The following ERBB4 variants were observed in gnomAD, a reference collection of about 807,000 sequenced individuals.
ERBB4 encodes erb-b2 receptor tyrosine kinase 4.
ERBB4 carries 42 observed loss-of-function variants against 158.0 expected under a neutral mutation model. That is an observed-to-expected ratio of 0.27 (90% CI 0.21 to 0.34). The LOEUF is 0.34. Among genes scored for constraint, ERBB4 ranks in the 10% least tolerant of loss-of-function variants. The probability of loss-of-function intolerance (pLI) is 1.00; values close to 1 mark genes in which losing one functional copy is unlikely to be tolerated. For synonymous variants in ERBB4, 583 were observed against 558.7 expected (o/e 1.04, Z -0.61); for missense variants, 1,333 against 1,624.1 (o/e 0.82, Z 3.08).
At chr2:212,279,556 A>G (rs917852298) in intron 1 of ERBB4, among the ~76,000 whole-genome samples, 3 of 151,590 alleles carry the variant, frequency 2.0e-5, no homozygotes, top group African/African-American at 7.2e-5. Context: ...TTCTATGACC[A>G]TTTTATCTTG....
At chr2:212,339,405 T>C (rs2088597822) in intron 1 of ERBB4, among the ~76,000 whole-genome samples, 1 of 152,210 alleles carries the variant, frequency 6.6e-6, no homozygotes, top group Non-Finnish European at 1.5e-5. Context: ...ATAGTATTAG[T>C]AAATCATATA....
At chr2:212,398,767 G>A (rs1346411535) in intron 1 of ERBB4, among the ~76,000 whole-genome samples, 3 of 151,612 alleles carry the variant, frequency 2.0e-5, no homozygotes, top group Admixed American at 6.6e-5. Context: ...CATTTAATGA[G>A]GAATCTCATC....
At chr2:212,134,937 C>T (rs145089624) in intron 1 of ERBB4, among the ~76,000 whole-genome samples, 6,037 of 152,104 alleles carry the variant, frequency 0.04, 417 homozygotes, top group African/African-American at 0.14. Flanking sequence ...CCGCCTGCCT[C>T]GGCCTCCCAA....
rs1466611295 is a variant in ERBB4 at position 211,702,113 on chromosome 2, T to C, written c.1343A>G (p.Gln448Arg). The change falls in exon 12 of 28, where the codon CAG (glutamine) becomes CGG (arginine). Residue 448 changes from glutamine (Q) to arginine (R), a missense_variant. Physicochemically the swap from Gln to Arg is conservative, Grantham distance 43. Transcript: ENST00000342788. Reference sequence around the variant, plus strand: ...TCCTGCGCTGATTTCCTTCAGGGACTGGAACTGTAGAGAGGTGATGCCCTG... The same window carrying C: ...TCCTGCGCTGATTTCCTTCAGGGACCGGAACTGTAGAGAGGTGATGCCCTG... Reference protein sequence around the residue: ...KQQGITSLQFQSLKEISAGNI... With the variant: ...KQQGITSLQFRSLKEISAGNI... 1 of 1,614,098 alleles carries C rather than the reference T, an allele frequency of 6.2e-7. No individual in the cohort carries two copies. The highest frequency in any genetic ancestry group is 1.7e-5 in the Admixed American group (1 of 60,018).
chr2:211,452,423 A>C (rs1559182268), intron 20 of ERBB4, among the ~76,000 whole-genome samples: 1 of 151,914 alleles, frequency 6.6e-6, no homozygotes, highest in Non-Finnish European at 1.5e-5. Context: ...TGATCCACCC[A>C]CCTCGGCCTC....
intron 2 of ERBB4, among the ~76,000 whole-genome samples, chr2:212,003,208 AGAAAGAAG>A (rs1252546208): frequency 0.015 from 566 of 36,696 alleles, 27 homozygotes; most frequent in Admixed American, 0.018. Flanking sequence ...AAAGAAAGAC[AGAAAGAAG>A]GAAGGAAGGA....
chr2:212,336,138 T>A (rs1389182076), intron 1 of ERBB4, among the ~76,000 whole-genome samples: 1 of 152,008 alleles, frequency 6.6e-6, no homozygotes, highest in African/African-American at 2.4e-5. Context: ...TAAATTAGCA[T>A]TAAATTCGTG....
At chr2:211,617,036 T>C (rs1006664720) in intron 19 of ERBB4, among the ~76,000 whole-genome samples, 2 of 151,728 alleles carry the variant, frequency 1.3e-5, no homozygotes, top group Non-Finnish European at 2.9e-5. Context: ...ATACATCAGA[T>C]CAAGAAAAAA....
intron 1 of ERBB4, among the ~76,000 whole-genome samples, chr2:212,184,670 G>A (rs1022644224): frequency 6.6e-6 from 1 of 151,908 alleles, no homozygotes; most frequent in Admixed American, 6.6e-5. Context: ...TACCTACTAT[G>A]CAATTTCATT....
intron 19 of ERBB4, among the ~76,000 whole-genome samples, chr2:211,617,528 G>A (rs1026818900): frequency 5.9e-5 from 9 of 152,144 alleles, no homozygotes; most frequent in East Asian, 3.9e-4. Flanking sequence ...TATAGATGCC[G>A]GTAGATATGC....
chr2:212,473,227 T>G (rs1689203337), intron 1 of ERBB4, among the ~76,000 whole-genome samples: 1 of 152,054 alleles, frequency 6.6e-6, no homozygotes, highest in Admixed American at 6.6e-5. Flanking sequence ...ATTTCATCTT[T>G]CTGACAGGCT....
At chr2:211,892,397 G>T (rs1232656863) in intron 3 of ERBB4, among the ~76,000 whole-genome samples, 2 of 96,894 alleles carry the variant, frequency 2.1e-5, no homozygotes, top group Non-Finnish European at 4.1e-5. Flanking sequence ...AGGTATTGAT[G>T]GGACGTATTT....
intron 1 of ERBB4, among the ~76,000 whole-genome samples, chr2:212,395,901 G>A (rs868613711): frequency 6.6e-6 from 1 of 152,114 alleles, no homozygotes; most frequent in African/African-American, 2.4e-5. Flanking sequence ...ACAGGTGTGA[G>A]CGACCACGCC....
At chr2:212,352,313 TAAAATA>T (rs1191031289) in intron 1 of ERBB4, among the ~76,000 whole-genome samples, 2 of 87,168 alleles carry the variant, frequency 2.3e-5, no homozygotes, top group South Asian at 5.0e-4. Flanking sequence ...CCCCTGAACC[TAAAATA>T]AAAGTTAAAA....
chr2:211,769,692 G>A (rs1457785197), intron 4 of ERBB4, among the ~76,000 whole-genome samples: 1 of 152,130 alleles, frequency 6.6e-6, no homozygotes, highest in East Asian at 1.9e-4. Context: ...AGAGCCTCTG[G>A]CAAACCACTG....
At chr2:211,909,980 C>T (rs948377014) in intron 3 of ERBB4, among the ~76,000 whole-genome samples, 28 of 151,554 alleles carry the variant, frequency 1.8e-4, no homozygotes, top group African/African-American at 5.8e-4. Flanking sequence ...AGTGCAGTGG[C>T]GTGATCTCGG....
At chr2:212,053,123 C>A (rs1050020054) in intron 2 of ERBB4, among the ~76,000 whole-genome samples, 1 of 152,108 alleles carries the variant, frequency 6.6e-6, no homozygotes, top group East Asian at 1.9e-4. Context: ...TTCAAGGCTG[C>A]AGTGAGCCAT....
At chr2:212,332,988 G>A (rs1473878557) in intron 1 of ERBB4, among the ~76,000 whole-genome samples, 1 of 152,020 alleles carries the variant, frequency 6.6e-6, no homozygotes, top group Non-Finnish European at 1.5e-5. Flanking sequence ...GTAATGATCA[G>A]AAATGGAACT....
chr2:212,286,597 T>TTTTTTTTTTTTTTTTG (rs2085975132), intron 1 of ERBB4, among the ~76,000 whole-genome samples: 4 of 22,432 alleles, frequency 1.8e-4, no homozygotes, highest in African/African-American at 5.7e-4. Flanking sequence ...GTGCTGACTT[T>TTTTTTTTTTTTTTTTG]TTTTTTTTTT....
Sources: gnomAD v4.1 joint callset for allele counts (sites outside exome capture counted in the v4.1 genomes callset) on GRCh38, gnomAD v4.1.1 for gene constraint, MANE v1.5 for transcripts, NCBI Gene and HGNC (gene_info 2026-07-23, HGNC 2026-07-21) for gene names.